The following RCOR1 variants were observed in gnomAD, a reference collection of about 807,000 sequenced individuals.
RCOR1 encodes the protein REST corepressor 1, also known as REST corepressor.
A neutral mutation model predicts 64.0 loss-of-function variants in RCOR1; 12 were observed. The observed-to-expected ratio is 0.19, with a 90% CI of 0.12 to 0.30. The LOEUF is 0.30. RCOR1 is among the 10% of genes least tolerant of loss of function. The pLI, the probability that RCOR1 is intolerant of heterozygous loss-of-function variation, is 1.00. For synonymous variants in RCOR1, 279 were observed against 227.2 expected (o/e 1.23, Z -2.05); for missense variants, 502 against 621.2 (o/e 0.81, Z 2.04).
chr14:102,610,852 C>G (rs1893617117), intron 2 of RCOR1, among the ~76,000 whole-genome samples: 1 of 152,116 alleles, frequency 6.6e-6, no homozygotes, highest in Non-Finnish European at 1.5e-5. Flanking sequence ...CCGTGCCCAG[C>G]CCAAAAGCTT....
intron 2 of RCOR1, among the ~76,000 whole-genome samples, chr14:102,665,748 T>C (rs561682851): frequency 6.6e-6 from 1 of 152,316 alleles, no homozygotes; most frequent in South Asian, 2.1e-4. Context: ...GCAAGTCACT[T>C]AACTCCTCTT....
intron 3 of RCOR1, among the ~76,000 whole-genome samples, chr14:102,687,723 C>G (rs1895449176): frequency 2.6e-5 from 4 of 152,124 alleles, no homozygotes; most frequent in Admixed American, 2.6e-4. Flanking sequence ...GAAAAATGTT[C>G]ACTTATTGGA....
chr14:102,593,260 C>G lies in RCOR1; in HGVS notation c.302-6C>G. 5 of 1,524,842 alleles carry G rather than the reference C, an allele frequency of 3.3e-6. No homozygotes were observed. The highest frequency in any genetic ancestry group is 4.4e-6 in the Non-Finnish European group (5 of 1,141,192). The allele number at this position is 1,524,842 out of a possible 1,614,324, so 94.5% of individuals were successfully genotyped here. A position where few individuals can be genotyped will look rare whatever the true frequency, so the allele number is the denominator to read the frequency against. Reference sequence around the variant, plus strand: ...CGCTGACCGCCGTATTCTGCTTCCCCCGCAGGTGGCGGTGGCATGAGGGTC... The same window carrying G: ...CGCTGACCGCCGTATTCTGCTTCCCGCGCAGGTGGCGGTGGCATGAGGGTC... On this transcript the variant is annotated splice_region_variant and splice_polypyrimidine_tract_variant and intron_variant, in intron 1 of 11. Transcript: ENST00000262241.
At chr14:102,659,985 G>A (rs1441401350) in intron 2 of RCOR1, among the ~76,000 whole-genome samples, 1 of 152,298 alleles carries the variant, frequency 6.6e-6, no homozygotes, top group African/African-American at 2.4e-5. Flanking sequence ...CTGGTGAGTC[G>A]CATGCTCATG....
intron 2 of RCOR1, among the ~76,000 whole-genome samples, chr14:102,597,715 C>A (rs545424252): frequency 4.0e-5 from 6 of 149,552 alleles, no homozygotes; most frequent in Middle Eastern, 3.5e-3. Context: ...GCTCACACAG[C>A]CTCTGCCTCC....
chr14:102,721,762 A>C (rs1896174377), intron 10 of RCOR1, among the ~76,000 whole-genome samples: 1 of 152,030 alleles, frequency 6.6e-6, no homozygotes, highest in Admixed American at 6.6e-5. Flanking sequence ...CTTAACCGGG[A>C]ACCCTGAGTC....
At chr14:102,630,606 C>T (rs573322823) in intron 2 of RCOR1, among the ~76,000 whole-genome samples, 3 of 152,312 alleles carry the variant, frequency 2.0e-5, no homozygotes, top group African/African-American at 4.8e-5. Context: ...AGAGCTTCCT[C>T]GGATTGGTCC....
intron 3 of RCOR1, among the ~76,000 whole-genome samples, chr14:102,700,050 A>G (rs116484360): frequency 1.3e-5 from 2 of 152,168 alleles, no homozygotes; most frequent in South Asian, 2.1e-4. Flanking sequence ...CACGTAATCT[A>G]TCTCTTAAGA....
At chr14:102,682,192 C>T (rs1373517760) in intron 3 of RCOR1, among the ~76,000 whole-genome samples, 1 of 152,198 alleles carries the variant, frequency 6.6e-6, no homozygotes, top group Non-Finnish European at 1.5e-5. Flanking sequence ...TGCAGCAGCA[C>T]GATCTGGGCT....
chr14:102,642,466 C>G (rs564765949), intron 2 of RCOR1, among the ~76,000 whole-genome samples: 1 of 152,104 alleles, frequency 6.6e-6, no homozygotes, highest in African/African-American at 2.4e-5. Flanking sequence ...AGGGTTGATA[C>G]AAGGAGGAAG....
chr14:102,619,489 T>C (rs1201188695), intron 2 of RCOR1, among the ~76,000 whole-genome samples: 18 of 81,152 alleles, frequency 2.2e-4, no homozygotes, highest in African/African-American at 7.1e-4. Flanking sequence ...TTTTTTTTTT[T>C]TTTTTTTTGG....
chr14:102,688,963 C>T (rs1895476285), intron 3 of RCOR1, among the ~76,000 whole-genome samples: 1 of 152,176 alleles, frequency 6.6e-6, no homozygotes, highest in African/African-American at 2.4e-5. Flanking sequence ...TTGCTCAGCC[C>T]TACCCACCAG....
intron 3 of RCOR1, among the ~76,000 whole-genome samples, chr14:102,686,493 G>T (rs1487644501): frequency 6.6e-6 from 1 of 152,232 alleles, no homozygotes; most frequent in Non-Finnish European, 1.5e-5. Context: ...TCACTCTTGT[G>T]TTGTATGTTC....
At chr14:102,656,146 ATT>A (rs143390089) in intron 2 of RCOR1, 2 of 876,554 alleles carry the variant, frequency 2.3e-6, no homozygotes, top group East Asian at 1.2e-4. Context: ...TATTTTTTTT[ATT>A]TTTTTTTTGG....
At chr14:102,628,127 G>C (rs958098398) in intron 2 of RCOR1, among the ~76,000 whole-genome samples, 1 of 152,158 alleles carries the variant, frequency 6.6e-6, no homozygotes, top group East Asian at 1.9e-4. Flanking sequence ...AGCTCAAGCA[G>C]TGAGACCCAG....
chr14:102,641,728 T>TG, intron 2 of RCOR1, among the ~76,000 whole-genome samples: 1 of 152,244 alleles, frequency 6.6e-6, no homozygotes, highest in East Asian at 1.9e-4. Context: ...AAGTGACGCT[T>TG]GCACAAGGTT....
chr14:102,634,004 A>T (rs1242890186), intron 2 of RCOR1, among the ~76,000 whole-genome samples: 1 of 152,050 alleles, frequency 6.6e-6, no homozygotes, highest in Non-Finnish European at 1.5e-5. Flanking sequence ...ATGCTTGTGT[A>T]CTCCACGTAA....
chr14:102,658,975 T>G (rs1443705855), intron 2 of RCOR1: 7 of 341,164 alleles, frequency 2.1e-5, no homozygotes, highest in Admixed American at 6.5e-5. Context: ...CATACTTATT[T>G]TTTTGGAAAC....
rs901813894 is a variant in RCOR1 at position 102,727,639 on chromosome 14, A to G, written c.*1133A>G. The G allele has an allele frequency of 2.0e-5, 3 of 152,106 alleles. No individual in the cohort carries two copies. Among genetic ancestry groups the G allele is most frequent in the Non-Finnish European group, 4.4e-5 (3 of 68,020 alleles). The allele number at this position is 152,106 out of a possible 1,614,324, so 9.4% of individuals were successfully genotyped here. A position where few individuals can be genotyped will look rare whatever the true frequency, so the allele number is the denominator to read the frequency against. ...GTCCTTCATGTGCTGATGTGATTAC[A>G]CAAACACCATGCACTCTCTTTTCAT... is the stretch of plus-strand genomic sequence containing the variant. On this transcript the variant is annotated 3_prime_UTR_variant, in exon 12 of 12. Transcript: ENST00000262241.
Sources: allele counts gnomAD v4.1 joint callset (sites outside exome capture counted in the v4.1 genomes callset), GRCh38; gene constraint gnomAD v4.1.1; transcripts MANE v1.5; gene names NCBI Gene and HGNC (gene_info 2026-07-23, HGNC 2026-07-21).